Variants in ABCA6 observed in about 807,000 individuals in gnomAD.
ABCA6 encodes the protein ATP-binding cassette sub-family A member 6.
A neutral mutation model predicts 191.2 loss-of-function variants in ABCA6; 164 were observed. That is an observed-to-expected ratio of 0.86 (90% CI 0.76 to 0.98). The LOEUF is 0.98. Among genes scored for constraint, ABCA6 ranks in the 50% least tolerant of loss-of-function variants. The pLI is 0.00. For synonymous variants in ABCA6, 636 were observed against 647.7 expected, an observed-to-expected ratio of 0.98 and a Z score of 0.27; for missense variants, 1,958 against 1,894.1, an observed-to-expected ratio of 1.03 and a Z score of -0.63.
At chr17:69,111,548 T>C (rs1441744326) in intron 16 of ABCA6, 1 of 152,368 alleles carries the variant, frequency 6.6e-6, no homozygotes, top group Non-Finnish European at 1.5e-5. Flanking sequence ...AAGGGGCTTT[T>C]CCCTGCCTTC....
Position 69,106,174 on chromosome 17 carries a change from GCTTT to G in ABCA6, c.2423_2426del (p.Glu808AlafsTer19), listed in dbSNP as rs1313756001. 1 of 1,613,346 alleles carries G rather than the reference GCTTT, an allele frequency of 6.2e-7. No homozygotes were observed. On this transcript the variant is annotated frameshift_variant, in exon 19 of 39. Transcript: ENST00000284425. LOFTEE classifies it high-confidence loss of function. ...AGTGAGCCAGCTCCATTTCATTGAG[GCTTT>G]CTGAGTCTCTTATCATCTCCACTTG...
chr17:69,096,487 T>C lies in ABCA6; in HGVS notation c.3295-134A>G, dbSNP rs1243668358. On this transcript the variant is annotated intron_variant, in intron 24 of 38. Transcript: ENST00000284425. ...TTTGGTATCTGAAACTATTAGTATT[T>C]ATCATACATGCACTTTGCATGTTTT... 5 of 818,036 alleles carry C rather than the reference T, an allele frequency of 6.1e-6. No individual in the cohort carries two copies. The African/African-American group carries it at 8.9e-5, about 15-fold the overall frequency. 50.7% of individuals were successfully genotyped at this position (818,036 alleles called of 1,614,324 possible).
chr17:69,140,144 A>C (rs1425639290), intron 2 of ABCA6, among the ~76,000 whole-genome samples: 25 of 152,128 alleles, frequency 1.6e-4, no homozygotes, highest in Admixed American at 1.6e-3. Flanking sequence ...TGCTGTGTTA[A>C]GCCACTGAGA....
chr17:69,117,416 G>C (rs2073557276), intron 11 of ABCA6, among the ~76,000 whole-genome samples: 1 of 151,954 alleles, frequency 6.6e-6, no homozygotes, highest in African/African-American at 2.4e-5. Context: ...AGAATATTTT[G>C]TATCAAAATG....
intron 21 of ABCA6, among the ~76,000 whole-genome samples, chr17:69,102,379 A>C (rs2073200784): frequency 6.6e-6 from 1 of 152,156 alleles, no homozygotes; most frequent in South Asian, 2.1e-4. Context: ...TCTCTAATGA[A>C]TCTCTATGGC....
chr17:69,100,772 T>C (rs752674866), intron 22 of ABCA6, 25 bp downstream of exon 22: 9 of 1,590,300 alleles, frequency 5.7e-6, no homozygotes, highest in Admixed American at 1.8e-5. Context: ...CTTAATTGTT[T>C]AGACTCAGTA....
chr17:69,120,911 A>G (rs995614026), intron 10 of ABCA6, among the ~76,000 whole-genome samples: 3 of 152,068 alleles, frequency 2.0e-5, no homozygotes, highest in Non-Finnish European at 4.4e-5. Context: ...GTATATTTTT[A>G]CAAACCCAGA....
At chr17:69,101,610 A>AGC (rs1555648920) in intron 21 of ABCA6, among the ~76,000 whole-genome samples, 1 of 151,680 alleles carries the variant, frequency 6.6e-6, no homozygotes. Flanking sequence ...AAAAAAAAAA[A>AGC]AGCAGCAGCA....
intron 27 of ABCA6, among the ~76,000 whole-genome samples, chr17:69,088,939 C>T (rs1314454918): frequency 6.6e-6 from 1 of 152,144 alleles, no homozygotes; most frequent in Non-Finnish European, 1.5e-5. Context: ...TTCCTGACCA[C>T]CCATCTGACA....
intron 10 of ABCA6, among the ~76,000 whole-genome samples, chr17:69,121,938 C>T (rs1346075716): frequency 1.3e-5 from 2 of 151,948 alleles, no homozygotes; most frequent in Non-Finnish European, 2.9e-5. Flanking sequence ...TCTCAGAAAA[C>T]TTAAACGGAA....
intron 24 of ABCA6, 37 bp from the exon 25 acceptor site, chr17:69,096,390 C>A: frequency 1.7e-6 from 2 of 1,167,404 alleles, no homozygotes; most frequent in South Asian, 4.2e-5. Context: ...GTCAAAAAAT[C>A]AAATATTACT....
chr17:69,098,298 A>G (rs977549931), intron 22 of ABCA6: 5 of 338,782 alleles, frequency 1.5e-5, no homozygotes, highest in Non-Finnish European at 2.6e-5. Flanking sequence ...ATTCATATTC[A>G]TACCAACAAT....
Position 69,136,116 on chromosome 17 carries a change from G to T in ABCA6, c.436C>A (p.Pro146Thr), listed in dbSNP as rs140469761. The change falls in exon 4 of 39, where the codon CCA (proline) becomes ACA (threonine). Residue 146 changes from proline to threonine, a missense_variant. By Grantham distance (38) the Pro-to-Thr change is conservative. Transcript: ENST00000284425. ...KLIFFQGYNS[P>T]LWKEDFSAHC... ...CCTGAGAAATCTTCTTTCCAAAGTG[G>T]ACTGTTATATCCCTGGAAAAATATT... The T allele has an allele frequency of 6.2e-7, 1 of 1,610,302 alleles. No homozygotes were observed. Among genetic ancestry groups the T allele is most frequent in the Non-Finnish European group, 8.5e-7 (1 of 1,177,880 alleles).
chr17:69,082,040 A>T (rs1338908358), intron 36 of ABCA6, among the ~76,000 whole-genome samples: 2 of 152,092 alleles, frequency 1.3e-5, no homozygotes, highest in Non-Finnish European at 2.9e-5. Flanking sequence ...GATGTCCAAG[A>T]TTGGCCCTTT....
intron 10 of ABCA6, among the ~76,000 whole-genome samples, chr17:69,120,004 A>T (rs1598045078): frequency 6.6e-6 from 1 of 152,100 alleles, no homozygotes; most frequent in Non-Finnish European, 1.5e-5. Flanking sequence ...TAGAAGCAAT[A>T]TGTAGAAACT....
chr17:69,108,081 A>G, intron 17 of ABCA6: 1 of 369,222 alleles, frequency 2.7e-6, no homozygotes, highest in Non-Finnish European at 4.9e-6. Flanking sequence ...CAGAAATCTG[A>G]ACAATCAGAA....
intron 30 of ABCA6, among the ~76,000 whole-genome samples, chr17:69,086,138 TC>T (rs1214103412): frequency 1.3e-5 from 2 of 151,814 alleles, no homozygotes; most frequent in African/African-American, 4.8e-5. Flanking sequence ...TCTGAACTTG[TC>T]CCCCCCAACC....
chr17:69,087,249 C>T (rs2072820994), intron 29 of ABCA6, 104 bp downstream of exon 29: 2 of 1,454,496 alleles, frequency 1.4e-6, no homozygotes, highest in Admixed American at 2.0e-5. Flanking sequence ...TACAGAAATG[C>T]ACCAAACTCC....
intron 20 of ABCA6, chr17:69,104,087 C>T (rs529450437): frequency 2.0e-5 from 3 of 152,054 alleles, no homozygotes; most frequent in African/African-American, 7.2e-5. Context: ...CCTCCACAGT[C>T]ACTTGAGGTG....
Sources: gnomAD v4.1 joint callset for allele counts (sites outside exome capture counted in the v4.1 genomes callset) on GRCh38, gnomAD v4.1.1 for gene constraint, MANE v1.5 for transcripts, NCBI Gene and HGNC (gene_info 2026-07-23, HGNC 2026-07-21) for gene names.